Variants in DZIP3 observed in about 807,000 individuals in gnomAD.
The protein encoded by DZIP3 is DAZ interacting zinc finger protein 3.
Under a neutral mutation model 162.0 loss-of-function variants are expected in DZIP3, and 118 were observed. The observed-to-expected ratio is 0.73, with a 90% CI of 0.63 to 0.85. The LOEUF (loss-of-function observed/expected upper bound fraction) is 0.85. DZIP3 is among the 40% of genes least tolerant of loss of function. The pLI is 0.00. For synonymous variants in DZIP3, 438 were observed against 458.6 expected (o/e 0.96, Z 0.57); for missense variants, 1,331 against 1,407.0 (o/e 0.95, Z 0.86).
Position 108,674,076 on chromosome 3 carries a change from A to G in DZIP3, c.2590-2A>G. 6.2e-7 allele frequency: 1 copy of G among 1,607,520 alleles called. No individual in the cohort carries two copies. Among genetic ancestry groups the G allele is most frequent in the African/African-American group, 1.3e-5 (1 of 74,866 alleles). ...CTTTCTCTTTCTCTCAAAAACCTGT[A>G]GGTGTATTTCTTACAGTGTCGTAGG... On this transcript the variant is annotated splice_acceptor_variant, in intron 23 of 32. Coordinates refer to ENST00000361582, the MANE Select transcript of DZIP3 (RefSeq NM_014648.4). LOFTEE classifies it high-confidence loss of function.
At chr3:108,602,739 C>T (rs1940098137) in intron 1 of DZIP3, 1 of 152,114 alleles carries the variant, frequency 6.6e-6, no homozygotes, top group Non-Finnish European at 1.5e-5. Context: ...CTGACTGCTT[C>T]CTTTTGGTTG....
At chr3:108,688,133 C>G (rs1944559621) in intron 29 of DZIP3, 37 bp downstream of exon 29, 1 of 1,608,692 alleles carries the variant, frequency 6.2e-7, no homozygotes, top group Non-Finnish European at 8.5e-7. Flanking sequence ...CTGTATCTCT[C>G]TGCCCTTAAC....
intron 12 of DZIP3, among the ~76,000 whole-genome samples, chr3:108,639,551 A>G (rs577653668): frequency 2.6e-5 from 4 of 152,090 alleles, no homozygotes; most frequent in Non-Finnish European, 5.9e-5. Context: ...ACTTCCACTT[A>G]TAGGATTCCC....
intron 6 of DZIP3, 92 bp from the exon 7 acceptor site, chr3:108,625,753 C>A: frequency 7.8e-7 from 1 of 1,278,106 alleles, no homozygotes; most frequent in South Asian, 1.8e-5. Context: ...TTAAAGCTGC[C>A]CTAATTTCTC....
At position 108,635,123 on chromosome 3, in the gene DZIP3, C is replaced by T. The variant is rs901050527; in HGVS notation, c.918+151C>T. The T allele has an allele frequency of 3.1e-5, 16 of 518,460 alleles. No individual in the cohort carries two copies. In the African/African-American group the frequency reaches 3.2e-4, roughly 10 times the overall value. 32.1% of individuals were successfully genotyped at this position (518,460 alleles called of 1,614,324 possible). A position where few individuals can be genotyped will look rare whatever the true frequency, so the allele number is the denominator to read the frequency against. On this transcript the variant is annotated intron_variant, in intron 10 of 32. Transcript: ENST00000361582. ...TTTTTCTTTTACTTCCTTCTTTGTT[C>T]TTTCCCAATTCTCTCTGATGCTTAT...
intron 21 of DZIP3, 115 bp downstream of exon 21, chr3:108,662,372 A>G (rs1348612777): frequency 1.3e-5 from 16 of 1,257,404 alleles, no homozygotes; most frequent in East Asian, 2.7e-5. Context: ...AGGAACCTCA[A>G]CCACACGACT....
At chr3:108,654,438 C>T in intron 19 of DZIP3, 128 bp downstream of exon 19, 1 of 1,048,168 alleles carries the variant, frequency 9.5e-7, no homozygotes, top group South Asian at 1.3e-5. Context: ...AAGAGAAAAG[C>T]ATAAAAGGTA....
intron 32 of DZIP3, among the ~76,000 whole-genome samples, chr3:108,692,430 A>T (rs1944733107): frequency 6.6e-6 from 1 of 152,206 alleles, no homozygotes; most frequent in African/African-American, 2.4e-5. Context: ...TGAAACAGAA[A>T]GGGACAGTTC....
In DZIP3 at chr3:108,638,750, T is replaced by G. The variant is rs573850715; in HGVS notation, c.1064+1202T>G. Among the ~76,000 whole-genome samples the G allele has an allele frequency of 1.1e-4, 17 of 152,080 alleles. 1 individual carries two copies. The highest frequency in any genetic ancestry group is 2.1e-4 in the Non-Finnish European group (14 of 68,030). On this transcript the variant is annotated intron_variant, in intron 12 of 32. Coordinates refer to ENST00000361582, the MANE Select transcript of DZIP3 (RefSeq NM_014648.4). ...TCTTAAAACTGTCTTTAGCCTTTACTTTATCCAGTCTGTTGTTTTCTTAAC... is the reference window on the plus strand; with the variant it reads ...TCTTAAAACTGTCTTTAGCCTTTACGTTATCCAGTCTGTTGTTTTCTTAAC...
chr3:108,688,555 T>G, intron 29 of DZIP3, 38 bp from the exon 30 acceptor site: 1 of 1,595,606 alleles, frequency 6.3e-7, no homozygotes, highest in Non-Finnish European at 8.5e-7. Context: ...TGTTTTAGGA[T>G]AATTCTGAAA....
At chr3:108,666,626 T>C (rs1362217237) in intron 21 of DZIP3, among the ~76,000 whole-genome samples, 1 of 152,078 alleles carries the variant, frequency 6.6e-6, no homozygotes. Flanking sequence ...TCTACCAAGA[T>C]AGACAATAAC....
At chr3:108,674,840 T>G (rs909426903) in intron 24 of DZIP3, among the ~76,000 whole-genome samples, 1 of 151,912 alleles carries the variant, frequency 6.6e-6, no homozygotes, top group African/African-American at 2.4e-5. Flanking sequence ...CCAGGCATCA[T>G]TATTTTTAAA....
chr3:108,631,055 A>ATACACACTCTCTCTCTCTCTCTCTCTCT (rs1553705360), intron 8 of DZIP3, among the ~76,000 whole-genome samples: 2 of 18,008 alleles, frequency 1.1e-4, no homozygotes, highest in African/African-American at 5.6e-4. Context: ...ACACACACAC[A>ATACACACTCTCTCTCTCTCTCTCTCTCT]CTCTCTCTCT....
At position 108,633,044 on chromosome 3, in the gene DZIP3, C is replaced by G. The variant is rs1482451688; in HGVS notation, c.788C>G (p.Ala263Gly). The G allele has an allele frequency of 2.7e-6, 4 of 1,479,956 alleles. No individual in the cohort carries two copies. The African/African-American group carries it at 4.3e-5, about 16-fold the overall frequency. The allele number at this position is 1,479,956 out of a possible 1,614,324, so 91.7% of individuals were successfully genotyped here. Residue 263 changes from alanine (A) to glycine (G), a missense_variant, in exon 9 of 33, where the codon GCT (alanine) becomes GGT (glycine). By Grantham distance (60) the Ala-to-Gly change is moderately conservative. Transcript: ENST00000361582. ...CTAGATTGTGAACGATCTTGTGAAG[C>G]TGACATTTTGAAGAACACCAGTTAT... ...SYLDCERSCE[A>G]DILKNTSYKG...
chr3:108,691,176 G>GT (rs1944679928), intron 32 of DZIP3: 1 of 242,306 alleles, frequency 4.1e-6, no homozygotes. Context: ...TTCTTAGGAT[G>GT]TTTTTTCTTG....
chr3:108,625,993 G>A, intron 7 of DZIP3, 24 bp downstream of exon 7: 1 of 1,605,332 alleles, frequency 6.2e-7, no homozygotes, highest in Non-Finnish European at 8.5e-7. Context: ...TTAACGGGTA[G>A]ATGTTGCCTG....
At chr3:108,632,428 G>C (rs374308730) in intron 8 of DZIP3, among the ~76,000 whole-genome samples, 1 of 152,040 alleles carries the variant, frequency 6.6e-6, no homozygotes, top group Non-Finnish European at 1.5e-5. Flanking sequence ...TTTAAAATGA[G>C]AAATTATATT....
intron 21 of DZIP3, among the ~76,000 whole-genome samples, chr3:108,669,418 C>T (rs181667251): frequency 6.6e-6 from 1 of 152,006 alleles, no homozygotes; most frequent in Admixed American, 6.6e-5. Context: ...CACTGAGATG[C>T]AAGATAACAC....
In DZIP3 at chr3:108,611,230, A is replaced by C. The variant is rs1280916927; in HGVS notation, c.159A>C (p.Glu53Asp). 6.2e-7 allele frequency: 1 copy of C among 1,612,042 alleles called. No individual in the cohort carries two copies. The highest frequency in any genetic ancestry group is 8.5e-7 in the Non-Finnish European group (1 of 1,179,480). ...TDLVPVNLLL[E>D]VKKLLNAINT... ...TTGTCCCTGTTAACCTACTATTAGA[A>C]GTGAAGAAGTTATTAAATGCAATTA... Residue 53 changes from glutamate (E) to aspartate (D), a missense_variant, in exon 4 of 33, where the codon GAA becomes GAC. Physicochemically the swap from Glu to Asp is conservative, Grantham distance 45. Transcript: ENST00000361582.
Sources: allele counts gnomAD v4.1 joint callset (sites outside exome capture counted in the v4.1 genomes callset), GRCh38; gene constraint gnomAD v4.1.1; transcripts MANE v1.5; gene names NCBI Gene and HGNC (gene_info 2026-07-23, HGNC 2026-07-21).